Variants in TTC19 observed in about 807,000 individuals in gnomAD.
TTC19 encodes tetratricopeptide repeat protein 19, mitochondrial.
A neutral mutation model predicts 49.5 loss-of-function variants in TTC19; 38 were observed. That is an observed-to-expected ratio of 0.77 (90% confidence interval 0.59 to 1.01). TTC19 has a LOEUF of 1.01. Ranked by LOEUF, TTC19 falls within the 50% of genes least tolerant of loss-of-function variation. The pLI is 0.00. For missense variants in TTC19, 475 were observed against 477.7 expected (o/e 0.99, Z 0.05); for synonymous variants, 204 against 185.2 (o/e 1.10, Z -0.83).
chr17:15,999,967 T>A lies in TTC19; in HGVS notation c.119T>A (p.Val40Glu). 7.7e-7 allele frequency: 1 copy of A among 1,304,786 alleles called. No individual in the cohort carries two copies. Among genetic ancestry groups the A allele is most frequent in the Non-Finnish European group, 9.7e-7 (1 of 1,030,698 alleles). The allele number at this position is 1,304,786 out of a possible 1,614,324, so 80.8% of individuals were successfully genotyped here. ...PGLAGGPGPE[V>E]QVPPSRVAPH... ...CTGGCAGGAGGTCCGGGGCCCGAGG[T>A]GCAGGTGCCGCCATCCCGAGTCGCG... Residue 40 changes from valine (V) to glutamate (E), a missense_variant, in exon 1 of 10, where the codon GTG becomes GAG. Physicochemically the swap from Val to Glu is moderately radical, Grantham distance 121. Transcript: ENST00000261647.
At chr17:16,003,422 C>CTTATTTAT (rs149202647) in intron 4 of TTC19, among the ~76,000 whole-genome samples, 70 of 148,706 alleles carry the variant, frequency 4.7e-4, no homozygotes, top group African/African-American at 1.6e-3. Context: ...GGCTAATTTT[C>CTTATTTAT]TTATTTATTT....
intron 3 of TTC19, 66 bp downstream of exon 3, chr17:16,002,091 T>C (rs1970755195): frequency 9.6e-7 from 1 of 1,044,722 alleles, no homozygotes; most frequent in African/African-American, 1.6e-5. Context: ...GGTAGTTAGT[T>C]CTTCTGATTT....
chr17:16,040,097 C>G, intron 2 of TTC19: 1 of 483,080 alleles, frequency 2.1e-6, no homozygotes, highest in Non-Finnish European at 4.0e-6. Flanking sequence ...GCCCAGAGAC[C>G]ATCTTAATCC....
In TTC19 at chr17:16,002,036, T is replaced by A; in HGVS notation, c.423+11T>A. On this transcript the variant is annotated intron_variant, in intron 3 of 9. Coordinates refer to ENST00000261647, the MANE Select transcript of TTC19 (RefSeq NM_017775.4). ...TACACTTATGATTTGGTAACTCTTATAACCAGTCTGAACCACTGATGAGGA... is the reference window on the plus strand; with the variant it reads ...TACACTTATGATTTGGTAACTCTTAAAACCAGTCTGAACCACTGATGAGGA... 1 of 1,585,376 alleles carries A rather than the reference T, an allele frequency of 6.3e-7. No homozygotes were observed. Among genetic ancestry groups the A allele is most frequent in the South Asian group, 1.1e-5 (1 of 90,596 alleles).
At chr17:16,002,196 T>G (rs1970758954) in intron 3 of TTC19, among the ~76,000 whole-genome samples, 171 bp downstream of exon 3, 1 of 152,212 alleles carries the variant, frequency 6.6e-6, no homozygotes, top group African/African-American at 2.4e-5. Flanking sequence ...TTTGTTTTTT[T>G]GAGATGGAGC....
At chr17:16,015,428 A>G (rs1285418759) in intron 7 of TTC19, among the ~76,000 whole-genome samples, 1 of 152,166 alleles carries the variant, frequency 6.6e-6, no homozygotes, top group African/African-American at 2.4e-5. Flanking sequence ...TTATATTTTT[A>G]AAGCATATTT....
chr17:16,031,829 T>TAAG (rs1322913887), downstream of TTC19: 1 of 232,212 alleles, frequency 4.3e-6, no homozygotes, highest in African/African-American at 2.2e-5. Context: ...TGTATGAGGT[T>TAAG]GTTTAGAAGG....
chr17:16,039,483 A>G, intron 2 of TTC19: 3 of 1,614,114 alleles, frequency 1.9e-6, no homozygotes, highest in Non-Finnish European at 2.5e-6. Context: ...ACCACTGGTC[A>G]CAACTGAGGT....
At position 16,004,257 on chromosome 17, in the gene TTC19, G is replaced by C; in HGVS notation, c.576G>C (p.Gln192His). 6.2e-7 allele frequency: 1 copy of C among 1,614,098 alleles called. No homozygotes were observed. The highest frequency in any genetic ancestry group is 8.5e-7 in the Non-Finnish European group (1 of 1,179,902). ...SLKLASIYAA[Q>H]NRQEFAVAGY... The stretch of plus-strand genomic sequence containing the variant: ...AGCTGGCCAGTATCTATGCTGCGCA[G>C]AACAGGTAAGTACAGCAGCCAGGGA... Residue 192 changes from glutamine to histidine, a missense_variant, in exon 6 of 10, where the codon CAG becomes CAC. Transcript: ENST00000261647.
At chr17:16,001,501 T>TAA (rs900921367) in intron 2 of TTC19, among the ~76,000 whole-genome samples, 37 of 152,222 alleles carry the variant, frequency 2.4e-4, no homozygotes, top group African/African-American at 8.7e-4. Flanking sequence ...AAGGCTTCCC[T>TAA]AAGTCCTATT....
At chr17:16,044,006 C>T (rs1260494044) in intron 2 of TTC19, among the ~76,000 whole-genome samples, 1 of 151,828 alleles carries the variant, frequency 6.6e-6, no homozygotes, top group African/African-American at 2.4e-5. Context: ...CCCGTCTGTA[C>T]TAAAAATACA....
chr17:16,036,669 G>A (rs1193241604), intron 2 of TTC19, among the ~76,000 whole-genome samples: 2 of 152,130 alleles, frequency 1.3e-5, no homozygotes, highest in African/African-American at 4.8e-5. Flanking sequence ...CCTCTGAATG[G>A]CCTCTGCTAG....
Position 16,015,797 on chromosome 17 carries a change from G to C in TTC19, c.677-9220G>C, listed in dbSNP as rs1413810481. 3.3e-5 allele frequency among the ~76,000 whole-genome samples: 5 copies of C among 152,194 alleles called. No homozygotes were observed. In the South Asian group the frequency reaches 1.0e-3, roughly 32 times the overall value. ...ATTAAATACTCCAGGACTATGACCAGTACTCATTAGGCACTATTATATAAG... is the reference window on the plus strand; with the variant it reads ...ATTAAATACTCCAGGACTATGACCACTACTCATTAGGCACTATTATATAAG... On this transcript the variant is annotated intron_variant, in intron 7 of 9. Transcript: ENST00000261647.
intron 2 of TTC19, chr17:16,040,403 C>T (rs764699784): frequency 1.9e-6 from 3 of 1,595,000 alleles, no homozygotes; most frequent in Admixed American, 3.3e-5. Context: ...ACTGCTGTGC[C>T]AATTTTGTAT....
At chr17:16,035,045 G>GT in intron 2 of TTC19, 1 of 1,091,164 alleles carries the variant, frequency 9.2e-7, no homozygotes, top group Non-Finnish European at 1.3e-6. Context: ...AAGCAGAATG[G>GT]TAACATGAAG....
rs763223307 is a variant in TTC19, at chr17:16,027,584, C to T, written c.*62C>T. The T allele has an allele frequency of 6.3e-7, 1 of 1,578,934 alleles. No individual in the cohort carries two copies. Among genetic ancestry groups the T allele is most frequent in the African/African-American group, 1.3e-5 (1 of 74,116 alleles). ...GTGGAAGAATAGCTATCATTCCTGT[C>T]TCTGTGGCACCCGATCAATGGCTTA... On this transcript the variant is annotated 3_prime_UTR_variant, in exon 10 of 10. Transcript: ENST00000261647.
chr17:16,035,093 A>G (rs189814022), intron 2 of TTC19: 1 of 744,408 alleles, frequency 1.3e-6, no homozygotes. Flanking sequence ...AAAATACTAC[A>G]GGCATACCTC....
chr17:16,034,174 A>C (rs1973411480), downstream of TTC19, among the ~76,000 whole-genome samples: 1 of 152,188 alleles, frequency 6.6e-6, no homozygotes, highest in Non-Finnish European at 1.5e-5. Context: ...GCAAATAGTC[A>C]ATGTTCGCTA....
At chr17:16,042,609 G>A (rs2057932983) in intron 2 of TTC19, among the ~76,000 whole-genome samples, 1 of 152,200 alleles carries the variant, frequency 6.6e-6, no homozygotes, top group Non-Finnish European at 1.5e-5. Context: ...CAAGAATGTG[G>A]TAACTGCTCA....
Sources: gnomAD v4.1 joint callset for allele counts (sites outside exome capture counted in the v4.1 genomes callset) on GRCh38, gnomAD v4.1.1 for gene constraint, MANE v1.5 for transcripts, NCBI Gene and HGNC (gene_info 2026-07-23, HGNC 2026-07-21) for gene names.